MKRN1: variants seen among roughly 807,000 people sequenced by gnomAD.
The protein encoded by MKRN1 is E3 ubiquitin-protein ligase makorin-1.
MKRN1 carries 9 observed loss-of-function variants against 55.5 expected under a neutral mutation model. The observed-to-expected ratio is 0.16, with a 90% CI of 0.10 to 0.28. MKRN1 has a LOEUF of 0.28. Among genes scored for constraint, MKRN1 ranks in the 10% least tolerant of loss-of-function variants. MKRN1 has a pLI of 1.00. For missense variants in MKRN1, 488 were observed against 626.7 expected (o/e 0.78, Z 2.36); for synonymous variants, 253 against 235.9 (o/e 1.07, Z -0.66).
At chr7:140,466,731 G>C (rs986002297) in intron 2 of MKRN1, among the ~76,000 whole-genome samples, 2 of 149,592 alleles carry the variant, frequency 1.3e-5, no homozygotes, top group Non-Finnish European at 2.9e-5. Flanking sequence ...GTGAACGTGG[G>C]AAGCGGAGCT....
Position 140,476,122 on chromosome 7 carries a change from G to A in MKRN1, c.185+3038C>T, listed in dbSNP as rs534609185. 3.9e-4 allele frequency among the ~76,000 whole-genome samples: 59 copies of A among 152,294 alleles called. 1 individual carries two copies. In the South Asian group the frequency reaches 6.2e-3, roughly 16 times the overall value. ...TAGTCAAATTCCTAGATACAGGAGT[G>A]ATGTGCTATAGGGAGAAATGAGCAC... On this transcript the variant is annotated intron_variant, in intron 1 of 7. Coordinates refer to ENST00000255977, the MANE Select transcript of MKRN1 (RefSeq NM_013446.4).
At position 140,459,786 on chromosome 7, in the gene MKRN1, G is replaced by A. The variant is rs1329012091; in HGVS notation, c.465C>T (p.Asn155=). Residue 155 remains asparagine, a synonymous_variant, in exon 3 of 8, where the codon AAC becomes AAT. Coordinates refer to ENST00000255977, the MANE Select transcript of MKRN1 (RefSeq NM_013446.4). ...CTGAACCTGCTCCTACAGTTGCAAA[G>A]TTTGAATTTCTTGACTCAGCTTCGC... ...NTGEAESRNS[N]FATVGAGSED... is the part of the protein sequence containing the mutation. 3.1e-6 allele frequency: 5 copies of A among 1,613,802 alleles called. No individual in the cohort carries two copies. Among genetic ancestry groups the A allele is most frequent in the Non-Finnish European group, 4.2e-6 (5 of 1,179,856 alleles).
Position 140,471,880 on chromosome 7 carries a change from T to C in MKRN1, c.314+3A>G. 1 of 1,611,620 alleles carries C rather than the reference T, an allele frequency of 6.2e-7. No individual in the cohort carries two copies. Among genetic ancestry groups the C allele is most frequent in the Non-Finnish European group, 8.5e-7 (1 of 1,179,378 alleles). The stretch of plus-strand genomic sequence containing the variant: ...CTGAACAAATTTATAAACAAATTCT[T>C]ACCTGCAGCGGTCTCCATAAATACA... On this transcript the variant is annotated splice_donor_region_variant and intron_variant, in intron 2 of 7. Transcript: ENST00000255977.
intron 4 of MKRN1, among the ~76,000 whole-genome samples, chr7:140,458,339 G>A (rs73485151): frequency 7.7e-4 from 117 of 152,146 alleles, no homozygotes; most frequent in African/African-American, 2.4e-3. Flanking sequence ...AACTAAGAAC[G>A]GCTACACGCA....
intron 2 of MKRN1, among the ~76,000 whole-genome samples, chr7:140,465,906 C>G (rs1383659342): frequency 6.6e-6 from 1 of 151,976 alleles, no homozygotes; most frequent in Non-Finnish European, 1.5e-5. Flanking sequence ...ATGGTGAAAC[C>G]CTGTCTTTAC....
intron 1 of MKRN1, chr7:140,473,152 C>A (rs1794985018): frequency 2.6e-6 from 1 of 391,244 alleles, no homozygotes; most frequent in Non-Finnish European, 4.9e-6. Context: ...CAAAGAATTT[C>A]TCCTCCAAAC....
rs895854476 is a variant in MKRN1 at position 140,479,332 on chromosome 7, C to T, written c.13G>A (p.Ala5Thr). 2.3e-6 allele frequency: 3 copies of T among 1,305,712 alleles called. No individual in the cohort carries two copies. Among genetic ancestry groups the T allele is most frequent in the Admixed American group, 8.3e-5 (2 of 24,086 alleles). 80.9% of individuals were successfully genotyped at this position (1,305,712 alleles called of 1,614,324 possible). A position where few individuals can be genotyped will look rare whatever the true frequency, so the allele number is the denominator to read the frequency against. The change falls in exon 1 of 8, where the codon GCA becomes ACA. Residue 5 changes from alanine to threonine, a missense_variant. Physicochemically the swap from Ala to Thr is moderately conservative, Grantham distance 58. Around this residue, in one of 2 missense-constraint regions of MKRN1, gnomAD observed 210 missense variants for 220.0 expected, o/e 0.95. Transcript: ENST00000255977. MAEA[A>T]TPGTTATTSG... Reference sequence around the variant, plus strand: ...GTTGTGGCTGTTGTTCCGGGAGTTGCAGCCTCCGCCATTACTGTTTATCCC... The same window carrying T: ...GTTGTGGCTGTTGTTCCGGGAGTTGTAGCCTCCGCCATTACTGTTTATCCC...
Position 140,459,940 on chromosome 7 carries a change from A to C in MKRN1, c.315-4T>G. Reference sequence around the variant, plus strand: ...CAATGGTTTGCTATGTTCATATCTAAGAAAAAATTCAAAAGTAAGCAGTCG... The same window carrying C: ...CAATGGTTTGCTATGTTCATATCTACGAAAAAATTCAAAAGTAAGCAGTCG... On this transcript the variant is annotated splice_polypyrimidine_tract_variant and splice_region_variant and intron_variant, in intron 2 of 7. Coordinates refer to ENST00000255977, the MANE Select transcript of MKRN1 (RefSeq NM_013446.4). 1 of 1,611,346 alleles carries C rather than the reference A, an allele frequency of 6.2e-7. No homozygotes were observed. Among genetic ancestry groups the C allele is most frequent in the South Asian group, 1.1e-5 (1 of 90,988 alleles).
rs1794949659 is a variant in MKRN1, at chr7:140,472,240, G to A, written c.186-229C>T. The A allele has an allele frequency of 1.2e-5, 6 of 492,106 alleles. No homozygotes were observed. The Admixed American group carries it at 1.4e-4, about 11-fold the overall frequency. The allele number at this position is 492,106 out of a possible 1,614,324, so 30.5% of individuals were successfully genotyped here. A position where few individuals can be genotyped will look rare whatever the true frequency, so the allele number is the denominator to read the frequency against. ...GTCTAAGACCAGCGGTTCGAGACCAGCCTGGGCAACATGGTGAAACCCCGT... is the reference window on the plus strand; with the variant it reads ...GTCTAAGACCAGCGGTTCGAGACCAACCTGGGCAACATGGTGAAACCCCGT... On this transcript the variant is annotated intron_variant, in intron 1 of 7. Transcript: ENST00000255977.
At position 140,455,188 on chromosome 7, in the gene MKRN1, T is replaced by C; in HGVS notation, c.1143A>G (p.Pro381=). ...RYFDEGRGSC[P]FGGNCFYKHA... is the part of the protein sequence containing the mutation. ...GCTTGTAAAAACAGTTCCCTCCAAATGGGCAGCTCCCACGTCCTTCATCAA... is the reference window on the plus strand; with the variant it reads ...GCTTGTAAAAACAGTTCCCTCCAAACGGGCAGCTCCCACGTCCTTCATCAA... Residue 381 remains proline (P), a synonymous_variant, in exon 7 of 8, where the codon CCA becomes CCG. Transcript: ENST00000255977. 1 of 1,614,056 alleles carries C rather than the reference T, an allele frequency of 6.2e-7. No individual in the cohort carries two copies. The highest frequency in any genetic ancestry group is 8.5e-7 in the Non-Finnish European group (1 of 1,180,024).
At chr7:140,455,033 A>G in intron 7 of MKRN1, 62 bp downstream of exon 7, 1 of 1,584,328 alleles carries the variant, frequency 6.3e-7, no homozygotes, top group Non-Finnish European at 8.6e-7. Context: ...CTACCCCAAT[A>G]TGTGCAGGAC....
intron 2 of MKRN1, among the ~76,000 whole-genome samples, chr7:140,469,882 T>A (rs908009161): frequency 3.3e-5 from 5 of 151,904 alleles, no homozygotes; most frequent in Non-Finnish European, 5.9e-5. Context: ...ACCCCATCTC[T>A]ACTAAAAATA....
At chr7:140,459,629 G>A in intron 3 of MKRN1, 78 bp downstream of exon 3, 1 of 1,374,240 alleles carries the variant, frequency 7.3e-7, no homozygotes, top group African/African-American at 1.4e-5. Context: ...GCAGAAAGGG[G>A]AAAGTTGTCA....
intron 2 of MKRN1, among the ~76,000 whole-genome samples, chr7:140,470,681 C>T (rs985982384): frequency 2.0e-5 from 3 of 151,866 alleles, no homozygotes; most frequent in African/African-American, 7.3e-5. Flanking sequence ...TCTGGGAGGC[C>T]GAGGTGGGCA....
At chr7:140,463,452 T>C (rs747850766) in intron 2 of MKRN1, among the ~76,000 whole-genome samples, 17 of 152,218 alleles carry the variant, frequency 1.1e-4, no homozygotes, top group African/African-American at 4.1e-4. Context: ...GTCCTTCCTC[T>C]AGCTATACCT....
intron 2 of MKRN1, among the ~76,000 whole-genome samples, chr7:140,468,375 T>C (rs903339796): frequency 2.0e-5 from 3 of 152,126 alleles, no homozygotes; most frequent in African/African-American, 7.2e-5. Flanking sequence ...TTCTCATGAC[T>C]CTGCCTTTTA....
At chr7:140,458,344 C>T (rs1794525160) in intron 4 of MKRN1, among the ~76,000 whole-genome samples, 2 of 152,314 alleles carry the variant, frequency 1.3e-5, no homozygotes, top group South Asian at 4.1e-4. Flanking sequence ...AGAACGGCTA[C>T]ACGCAACCAC....
Position 140,479,371 on chromosome 7 carries a change from C to T in MKRN1, c.-27G>A, listed in dbSNP as rs1795225498. ...ACTGTTTATCCCACACAGCAAAGGC[C>T]CCGGAACTTCCGGGATCACATAGTT... On this transcript the variant is annotated 5_prime_UTR_variant, in exon 1 of 8. Coordinates refer to ENST00000255977, the MANE Select transcript of MKRN1 (RefSeq NM_013446.4). 1 of 1,277,342 alleles carries T rather than the reference C, an allele frequency of 7.8e-7. No individual in the cohort carries two copies. The highest frequency in any genetic ancestry group is 2.9e-5 in the South Asian group (1 of 34,996). The allele number at this position is 1,277,342 out of a possible 1,614,324, so 79.1% of individuals were successfully genotyped here. A position where few individuals can be genotyped will look rare whatever the true frequency, so the allele number is the denominator to read the frequency against.
At chr7:140,458,787 C>G (rs914197218) in intron 4 of MKRN1, among the ~76,000 whole-genome samples, 1 of 152,166 alleles carries the variant, frequency 6.6e-6, no homozygotes, top group African/African-American at 2.4e-5. Flanking sequence ...TAACAAGTAG[C>G]TGGGACTATA....
Sources: allele counts gnomAD v4.1 joint callset (sites outside exome capture counted in the v4.1 genomes callset), GRCh38; gene constraint gnomAD v4.1.1; regional missense constraint gnomAD v4.1.1; transcripts MANE v1.5; gene names NCBI Gene and HGNC (gene_info 2026-07-23, HGNC 2026-07-21).